Variants in DCC observed in about 807,000 individuals in gnomAD.
DCC encodes the protein DCC netrin 1 receptor.
A neutral mutation model predicts 172.5 loss-of-function variants in DCC; 58 were observed. The observed-to-expected ratio is 0.34, with a 90% CI of 0.27 to 0.42. The LOEUF (loss-of-function observed/expected upper bound fraction) is 0.42. DCC is among the 10% of genes least tolerant of loss of function. The pLI is 1.00. For synonymous variants in DCC, 709 were observed against 644.5 expected (o/e 1.10, Z -1.52); for missense variants, 1,740 against 1,791.0 (o/e 0.97, Z 0.51).
intron 1 of DCC, among the ~76,000 whole-genome samples, chr18:52,506,880 T>TAA (rs1234510653): frequency 1.3e-5 from 2 of 152,172 alleles, no homozygotes; most frequent in African/African-American, 4.8e-5. Flanking sequence ...TGACAGTTGT[T>TAA]ACGGATATTG....
intron 23 of DCC, among the ~76,000 whole-genome samples, chr18:53,456,336 A>C (rs542462915): frequency 6.6e-6 from 1 of 152,272 alleles, no homozygotes; most frequent in South Asian, 2.1e-4. Flanking sequence ...TGAGAAGGAG[A>C]AAACAGAGAG....
At chr18:53,347,981 A>C (rs2057744458) in intron 15 of DCC, among the ~76,000 whole-genome samples, 1 of 152,072 alleles carries the variant, frequency 6.6e-6, no homozygotes, top group South Asian at 2.1e-4. Flanking sequence ...TTGGGTGGGG[A>C]CACAGCGAAA....
chr18:52,857,253 G>A (rs567099666), intron 2 of DCC, among the ~76,000 whole-genome samples: 1 of 152,232 alleles, frequency 6.6e-6, no homozygotes, highest in Non-Finnish European at 1.5e-5. Flanking sequence ...CTGCAGACAT[G>A]TTTGGGTAAC....
At chr18:53,261,795 G>T (rs982742237) in intron 12 of DCC, among the ~76,000 whole-genome samples, 2 of 152,034 alleles carry the variant, frequency 1.3e-5, no homozygotes, top group Non-Finnish European at 2.9e-5. Flanking sequence ...CACTGCGACC[G>T]GCCATTTATG....
intron 8 of DCC, among the ~76,000 whole-genome samples, chr18:53,176,304 CA>C (rs2144466449): frequency 7.6e-6 from 1 of 131,948 alleles, no homozygotes; most frequent in African/African-American, 3.0e-5. Flanking sequence ...AAAGCAATGG[CA>C]ACAAAAGCCA....
intron 12 of DCC, among the ~76,000 whole-genome samples, chr18:53,264,053 C>G (rs1424582784): frequency 6.6e-6 from 1 of 152,120 alleles, no homozygotes; most frequent in Non-Finnish European, 1.5e-5. Flanking sequence ...GTATTTTGCT[C>G]TTACAACCCA....
intron 7 of DCC, among the ~76,000 whole-genome samples, chr18:53,154,236 A>G (rs985041682): frequency 6.6e-6 from 1 of 152,048 alleles, no homozygotes; most frequent in Non-Finnish European, 1.5e-5. Flanking sequence ...TCCGTTTCCC[A>G]CAGGTATAGC....
intron 1 of DCC, among the ~76,000 whole-genome samples, chr18:52,490,741 T>G (rs1145245): frequency 0.25 from 38,268 of 152,046 alleles, 5,547 homozygotes; most frequent in Non-Finnish European, 0.33. Flanking sequence ...ACATTTGGAT[T>G]GCATAGTAGG....
At chr18:53,427,701 A>G (rs1281459107) in intron 21 of DCC, among the ~76,000 whole-genome samples, 6 of 147,504 alleles carry the variant, frequency 4.1e-5, no homozygotes, top group Non-Finnish European at 8.9e-5. Context: ...GTTCCCTAAT[A>G]TTTGCCTTTT....
At chr18:52,361,835 G>A (rs932671822) in intron 1 of DCC, among the ~76,000 whole-genome samples, 2 of 152,182 alleles carry the variant, frequency 1.3e-5, no homozygotes, top group Admixed American at 6.5e-5. Context: ...AATTAGCAAT[G>A]GTGTGCAGGG....
In DCC at chr18:52,674,336, A is replaced by G. The variant is rs140338853; in HGVS notation, c.92-77718A>G. 2.0e-3 allele frequency among the ~76,000 whole-genome samples: 305 copies of G among 152,202 alleles called. 2 individuals are homozygous for G. The highest frequency in any genetic ancestry group is 6.8e-3 in the African/African-American group (284 of 41,546). On this transcript the variant is annotated intron_variant, in intron 1 of 28. Coordinates refer to ENST00000442544, the MANE Select transcript of DCC (RefSeq NM_005215.4). ...CAGGAATACTAAGGGCAGGAGAACA[A>G]TGATGTTCCAGCTCAAGCAGGCAGG...
chr18:53,320,363 C>T (rs926080837), intron 13 of DCC, among the ~76,000 whole-genome samples: 10 of 152,098 alleles, frequency 6.6e-5, no homozygotes, highest in East Asian at 3.9e-4. Context: ...TGAGCCACCG[C>T]GCCCGGCCAA....
At chr18:53,479,461 G>C (rs555324720) in intron 25 of DCC, among the ~76,000 whole-genome samples, 1 of 152,220 alleles carries the variant, frequency 6.6e-6, no homozygotes, top group Non-Finnish European at 1.5e-5. Context: ...GTCGTTTCTT[G>C]GTAGCTCTAT....
intron 2 of DCC, among the ~76,000 whole-genome samples, chr18:52,797,073 AT>A (rs1041003418): frequency 1.3e-5 from 2 of 150,126 alleles, no homozygotes; most frequent in African/African-American, 4.9e-5. Flanking sequence ...TGACACTTGT[AT>A]TTTTTTATTT....
chr18:52,722,850 C>T (rs956270523), intron 1 of DCC, among the ~76,000 whole-genome samples: 2 of 152,160 alleles, frequency 1.3e-5, no homozygotes, highest in African/African-American at 4.8e-5. Flanking sequence ...GCTGTATTCC[C>T]TCCTTTTGGT....
intron 12 of DCC, among the ~76,000 whole-genome samples, chr18:53,239,120 C>T (rs1334008974): frequency 6.6e-6 from 1 of 151,106 alleles, no homozygotes; most frequent in Non-Finnish European, 1.5e-5. Flanking sequence ...GTGCAGCACA[C>T]CAACATGGCA....
chr18:52,615,516 C>T (rs1215859137), intron 1 of DCC, among the ~76,000 whole-genome samples: 1 of 152,180 alleles, frequency 6.6e-6, no homozygotes, highest in Non-Finnish European at 1.5e-5. Flanking sequence ...AGATCAGTAT[C>T]TAGTCAGGCT....
rs117988511 is a variant in DCC, at chr18:53,090,987, T to G, written c.1261+24821T>G. On this transcript the variant is annotated intron_variant, in intron 7 of 28. Coordinates refer to ENST00000442544, the MANE Select transcript of DCC (RefSeq NM_005215.4). ...AACAGCTCCTCTGGCAACTACATTG[T>G]AACAGAGTGTCAGGAGTTGGTGCAG... Among the ~76,000 whole-genome samples, 478 of 152,086 alleles carry G rather than the reference T, an allele frequency of 3.1e-3. 2 individuals carry two copies. The highest frequency in any genetic ancestry group is 0.014 in the Middle Eastern group (4 of 294).
chr18:53,056,009 G>A (rs191115757), intron 5 of DCC, among the ~76,000 whole-genome samples: 13 of 152,096 alleles, frequency 8.5e-5, no homozygotes, highest in Admixed American at 3.3e-4. Context: ...ATTTTGTTAA[G>A]GTATGTTTAA....
Sources: allele counts gnomAD v4.1 joint callset (sites outside exome capture counted in the v4.1 genomes callset), GRCh38; gene constraint gnomAD v4.1.1; transcripts MANE v1.5; gene names NCBI Gene and HGNC (gene_info 2026-07-23, HGNC 2026-07-21).